ZDHHC15: variants seen among roughly 807,000 people sequenced by gnomAD.
ZDHHC15 encodes zDHHC palmitoyltransferase 15.
ZDHHC15 carries 19 observed loss-of-function variants against 31.7 expected under a neutral mutation model. The ratio of observed to expected loss-of-function variants is 0.60; its 90% CI spans 0.42 to 0.88. The LOEUF (loss-of-function observed/expected upper bound fraction) is 0.88, where lower values mean the gene tolerates loss of function less well. Ranked by LOEUF, ZDHHC15 falls within the 40% of genes least tolerant of loss-of-function variation. The pLI is 0.00. For missense variants in ZDHHC15, 209 were observed against 251.2 expected (o/e 0.83, Z 1.14); for synonymous variants, 103 against 90.0 (o/e 1.14, Z -0.82).
intron 10 of ZDHHC15, among the ~76,000 whole-genome samples, chrX:75,409,733 T>G (rs2083462679): frequency 1.0e-5 from 1 of 97,527 alleles, no homozygotes; most frequent in African/African-American, 3.8e-5. Context: ...AGGTGGAGCT[T>G]GCAGTGAGCT....
At chrX:75,515,628 T>G (rs2085344193) in intron 1 of ZDHHC15, among the ~76,000 whole-genome samples, 1 of 111,736 alleles carries the variant, frequency 8.9e-6, no homozygotes, top group Non-Finnish European at 1.9e-5. Context: ...GCCAATATCC[T>G]ACCGAATGGG....
At chrX:75,439,362 T>C (rs1171219548) in intron 4 of ZDHHC15, among the ~76,000 whole-genome samples, 1 of 111,864 alleles carries the variant, frequency 8.9e-6, no homozygotes, top group Non-Finnish European at 1.9e-5. Flanking sequence ...GTTCATTTTT[T>C]TGAATCTTTT....
chrX:75,410,361 T>G, intron 10 of ZDHHC15, among the ~76,000 whole-genome samples: 1 of 96,207 alleles, frequency 1.0e-5, no homozygotes, highest in South Asian at 4.6e-4. Flanking sequence ...AACAACTTAA[T>G]AGCAAAAAAG....
At chrX:75,443,103 G>T (rs2083970030) in intron 4 of ZDHHC15, among the ~76,000 whole-genome samples, 1 of 110,959 alleles carries the variant, frequency 9.0e-6, no homozygotes, top group African/African-American at 3.3e-5. Context: ...CACAGAATTG[G>T]AAAAAATACT....
intron 2 of ZDHHC15, among the ~76,000 whole-genome samples, chrX:75,480,345 G>A (rs1314894095): frequency 9.0e-6 from 1 of 111,514 alleles, no homozygotes; most frequent in East Asian, 2.8e-4. Context: ...CCTCTTTGGT[G>A]TTTGGTATGT....
At chrX:75,454,705 G>A (rs952475933) in intron 3 of ZDHHC15, among the ~76,000 whole-genome samples, 1 of 111,407 alleles carries the variant, frequency 9.0e-6, no homozygotes, top group Non-Finnish European at 1.9e-5. Flanking sequence ...CATGGCACAT[G>A]TTTACATATG....
At chrX:75,462,315 C>G (rs937744121) in intron 3 of ZDHHC15, among the ~76,000 whole-genome samples, 2 of 112,177 alleles carry the variant, frequency 1.8e-5, no homozygotes, top group Non-Finnish European at 3.8e-5. Flanking sequence ...TATTCTAACA[C>G]AGTAATAGTG....
At chrX:75,405,521 T>A (rs2083402214) in intron 10 of ZDHHC15, among the ~76,000 whole-genome samples, 2 of 111,738 alleles carry the variant, frequency 1.8e-5, no homozygotes, top group Admixed American at 9.5e-5. Flanking sequence ...AGTAACTTAC[T>A]CATATCTGAT....
intron 4 of ZDHHC15, among the ~76,000 whole-genome samples, chrX:75,443,180 G>C (rs1488737089): frequency 9.1e-6 from 1 of 109,709 alleles, no homozygotes; most frequent in African/African-American, 3.3e-5. Flanking sequence ...AAAGAACAAA[G>C]CTGGAGGCAT....
chrX:75,494,392 C>A (rs1267851699), intron 2 of ZDHHC15, among the ~76,000 whole-genome samples: 8 of 111,405 alleles, frequency 7.2e-5, no homozygotes, highest in African/African-American at 2.3e-4. Flanking sequence ...CCATCCCCAT[C>A]AAGCTACCAA....
chrX:75,462,781 G>A (rs1297757790), intron 3 of ZDHHC15, among the ~76,000 whole-genome samples: 4 of 110,696 alleles, frequency 3.6e-5, no homozygotes, highest in African/African-American at 9.9e-5. Context: ...GTGTTAAGAG[G>A]GAAATTTATA....
chrX:75,397,989 C>T (rs958392850), intron 10 of ZDHHC15, among the ~76,000 whole-genome samples: 1 of 112,105 alleles, frequency 8.9e-6, no homozygotes, highest in African/African-American at 3.2e-5. Context: ...GCCTTAGAAA[C>T]TTGGGCGTTT....
Position 75,481,534 on chromosome X carries a change from G to A in ZDHHC15, c.164-2549C>T, listed in dbSNP as rs138374598. On this transcript the variant is annotated intron_variant, in intron 2 of 11. Transcript: ENST00000373367. ...AATTATGGGTACTGTTAAATAAATC[G>A]GTAGAAAATGAAGGATTTTGAGGTT... Among the ~76,000 whole-genome samples, 35 of 111,652 alleles carry A rather than the reference G, an allele frequency of 3.1e-4. No homozygotes were observed. The East Asian group carries it at 9.0e-3, about 29-fold the overall frequency.
chrX:75,509,672 C>T (rs1335143053), intron 1 of ZDHHC15, among the ~76,000 whole-genome samples: 2 of 112,253 alleles, frequency 1.8e-5, no homozygotes, highest in Non-Finnish European at 3.8e-5. Context: ...TCACTGTGTG[C>T]CTCAGTTTCC....
chrX:75,479,604 T>C (rs900652992), intron 2 of ZDHHC15, among the ~76,000 whole-genome samples: 5 of 111,729 alleles, frequency 4.5e-5, no homozygotes, highest in East Asian at 5.6e-4. Context: ...AGAGTATCTA[T>C]CACTTGAATA....
intron 3 of ZDHHC15, among the ~76,000 whole-genome samples, chrX:75,454,679 G>T (rs1026692125): frequency 9.0e-6 from 1 of 111,491 alleles, no homozygotes; most frequent in South Asian, 3.8e-4. Flanking sequence ...ACAAGTTAAC[G>T]GGTGGAGCAC....
intron 1 of ZDHHC15, among the ~76,000 whole-genome samples, chrX:75,510,822 C>T (rs957688229): frequency 1.4e-5 from 1 of 69,134 alleles, no homozygotes; most frequent in African/African-American, 5.3e-5. Context: ...TGAGAATATG[C>T]GGTGTTTGGT....
At chrX:75,421,408 T>TA (rs1252427065) in intron 9 of ZDHHC15, among the ~76,000 whole-genome samples, 21 of 8,860 alleles carry the variant, frequency 2.4e-3, no homozygotes, top group Non-Finnish European at 0.012. Flanking sequence ...ATTATATATA[T>TA]ATAATATATA....
chrX:75,496,411 A>T (rs1238732561), intron 2 of ZDHHC15, among the ~76,000 whole-genome samples: 1 of 111,379 alleles, frequency 9.0e-6, no homozygotes. Flanking sequence ...GTAGTGGGGG[A>T]CTTCGATACT....
Sources: gnomAD v4.1 joint callset for allele counts (sites outside exome capture counted in the v4.1 genomes callset) on GRCh38, gnomAD v4.1.1 for gene constraint, MANE v1.5 for transcripts, NCBI Gene and HGNC (gene_info 2026-07-23, HGNC 2026-07-21) for gene names.